The following C10orf90 variants were observed in gnomAD, a reference collection of about 807,000 sequenced individuals.
C10orf90 encodes (E2-independent) E3 ubiquitin-conjugating enzyme FATS.
Under a neutral mutation model 62.5 loss-of-function variants are expected in C10orf90, and 56 were observed. The ratio of observed to expected loss-of-function variants is 0.90; its 90% CI spans 0.72 to 1.12. The LOEUF is 1.12. C10orf90 is among the 50% of genes most tolerant of loss of function. The pLI, the probability that C10orf90 is intolerant of heterozygous loss-of-function variation, is 0.00. For synonymous variants in C10orf90, 386 were observed against 340.4 expected (o/e 1.13, Z -1.47); for missense variants, 970 against 880.4 (o/e 1.10, Z -1.29).
At chr10:126,622,980 C>T (rs1222514699) in intron 2 of C10orf90, among the ~76,000 whole-genome samples, 1 of 152,186 alleles carries the variant, frequency 6.6e-6, no homozygotes, top group Non-Finnish European at 1.5e-5. Flanking sequence ...TTAAGAATAA[C>T]ATCTGATTTC....
Position 126,480,886 on chromosome 10 carries a change from G to A in C10orf90, c.1535-15900C>T, listed in dbSNP as rs12570091. 3.4e-3 allele frequency among the ~76,000 whole-genome samples: 511 copies of A among 152,262 alleles called. 6 individuals carry two copies. The East Asian group carries it at 0.048, about 14-fold the overall frequency. On this transcript the variant is annotated intron_variant, in intron 4 of 9. Transcript: ENST00000488181. ...ATCTTGAGAATGTAGGTCAGGTTAT[G>A]GTAATGCTCAGCTTAGATCTCTCTG...
intron 7 of C10orf90, among the ~76,000 whole-genome samples, chr10:126,451,939 G>C (rs11599127): frequency 0.011 from 1,604 of 152,262 alleles, 30 homozygotes; most frequent in Middle Eastern, 0.037. Context: ...GGAGAATCCA[G>C]GAGATGCTGG....
intron 2 of C10orf90, among the ~76,000 whole-genome samples, chr10:126,601,824 T>A (rs1419101212): frequency 2.0e-5 from 3 of 152,266 alleles, no homozygotes; most frequent in African/African-American, 7.2e-5. Flanking sequence ...GAGGCTTGCC[T>A]GTCATTGCCC....
At chr10:126,574,692 A>G (rs925816264) in intron 2 of C10orf90, among the ~76,000 whole-genome samples, 3 of 152,104 alleles carry the variant, frequency 2.0e-5, no homozygotes, top group African/African-American at 7.2e-5. Context: ...GTATAAAACT[A>G]ATAATATTAA....
chr10:126,559,575 C>A (rs1330546652), intron 2 of C10orf90, among the ~76,000 whole-genome samples: 1 of 152,184 alleles, frequency 6.6e-6, no homozygotes, highest in Non-Finnish European at 1.5e-5. Context: ...CCCACCAACC[C>A]CTGACCCTCC....
intron 4 of C10orf90, among the ~76,000 whole-genome samples, chr10:126,501,152 CT>C: frequency 6.6e-6 from 1 of 152,294 alleles, no homozygotes; most frequent in East Asian, 1.9e-4. Context: ...ATGAGCACTG[CT>C]GCAGTCTGAA....
intron 3 of C10orf90, among the ~76,000 whole-genome samples, chr10:126,507,186 T>A (rs1431676538): frequency 6.6e-6 from 1 of 151,770 alleles, no homozygotes; most frequent in Non-Finnish European, 1.5e-5. Flanking sequence ...TGAAACTCTG[T>A]CTCTACTAAA....
In C10orf90 at chr10:126,497,451, G is replaced by A. The variant is rs143301239; in HGVS notation, c.1534+6506C>T. Among the ~76,000 whole-genome samples, 16 of 152,304 alleles carry A rather than the reference G, an allele frequency of 1.1e-4. No homozygotes were observed. The East Asian group carries it at 2.5e-3, about 24-fold the overall frequency. Reference sequence around the variant, plus strand: ...GCTCTTCCCTTTGACTCTGAGCATCGCTTCTTCACCACGTTCTAAGAATCG... The same window carrying A: ...GCTCTTCCCTTTGACTCTGAGCATCACTTCTTCACCACGTTCTAAGAATCG... On this transcript the variant is annotated intron_variant, in intron 4 of 9. Transcript: ENST00000488181.
intron 2 of C10orf90, among the ~76,000 whole-genome samples, chr10:126,627,417 G>A (rs1591156516): frequency 2.6e-5 from 4 of 152,082 alleles, no homozygotes; most frequent in Admixed American, 2.6e-4. Flanking sequence ...GGGTGTAATG[G>A]AATCGAATTT....
chr10:126,665,565 T>G (rs1292689956), intron 1 of C10orf90, among the ~76,000 whole-genome samples: 3 of 152,156 alleles, frequency 2.0e-5, no homozygotes, highest in Non-Finnish European at 4.4e-5. Flanking sequence ...GGAGACTTCT[T>G]CTTCCAGCCA....
At chr10:126,485,192 T>A (rs1861364775) in intron 4 of C10orf90, among the ~76,000 whole-genome samples, 1 of 152,124 alleles carries the variant, frequency 6.6e-6, no homozygotes, top group African/African-American at 2.4e-5. Flanking sequence ...CTTTCTACAA[T>A]GTGAGGACAC....
In C10orf90 at chr10:126,670,247, T is replaced by C. The variant is rs1312162522; in HGVS notation, c.234A>G (p.Arg78=). 4.4e-6 allele frequency: 2 copies of C among 456,682 alleles called. No homozygotes were observed. Among genetic ancestry groups the C allele is most frequent in the African/African-American group, 2.0e-5 (1 of 50,172 alleles). The allele number at this position is 456,682 out of a possible 1,614,324, so 28.3% of individuals were successfully genotyped here. The part of the protein sequence containing the change: ...GLKTAEQTAS[R]YEIHSRLFSS... ...CACCCAGGCTCAGCCATACCTCATA[T>C]CTGCTGGCTGTCTGCTCAGCCGTCT... Residue 78 remains arginine (R), a synonymous_variant, in exon 1 of 10, where the codon AGA becomes AGG. Coordinates refer to ENST00000488181, the MANE Select transcript of C10orf90 (RefSeq NM_001350921.2).
At chr10:126,648,636 T>C (rs1424848668) in intron 1 of C10orf90, among the ~76,000 whole-genome samples, 1 of 152,250 alleles carries the variant, frequency 6.6e-6, no homozygotes, top group Non-Finnish European at 1.5e-5. Flanking sequence ...TAACATTGTA[T>C]ATGGGGCTGG....
intron 4 of C10orf90, among the ~76,000 whole-genome samples, chr10:126,468,118 T>C (rs563704738): frequency 6.6e-6 from 1 of 151,778 alleles, no homozygotes; most frequent in Non-Finnish European, 1.5e-5. Context: ...TCTGTCACCA[T>C]GTTGGAGTGG....
chr10:126,646,713 A>AT (rs1846180095), intron 1 of C10orf90, 76 bp from the exon 2 acceptor site: 2 of 316,314 alleles, frequency 6.3e-6, no homozygotes, highest in South Asian at 2.6e-5. Flanking sequence ...AATGTACATT[A>AT]TTTTTTTAAT....
chr10:126,569,426 C>G (rs1027728482), intron 2 of C10orf90, among the ~76,000 whole-genome samples: 1 of 152,170 alleles, frequency 6.6e-6, no homozygotes, highest in African/African-American at 2.4e-5. Context: ...CTCACCCCAA[C>G]ACTTTATGCT....
chr10:126,519,306 A>G (rs1417317626), intron 2 of C10orf90, among the ~76,000 whole-genome samples: 1 of 152,250 alleles, frequency 6.6e-6, no homozygotes, highest in East Asian at 1.9e-4. Flanking sequence ...TGAAGCATAG[A>G]ATATGGTTAA....
chr10:126,637,173 TG>T (rs1393324896), intron 2 of C10orf90, among the ~76,000 whole-genome samples: 2 of 152,162 alleles, frequency 1.3e-5, no homozygotes, highest in Non-Finnish European at 2.9e-5. Context: ...GGAGACAGAC[TG>T]ATGGAGTCAG....
chr10:126,642,059 T>G (rs1274141385), intron 2 of C10orf90, among the ~76,000 whole-genome samples: 1 of 152,164 alleles, frequency 6.6e-6, no homozygotes, highest in Non-Finnish European at 1.5e-5. Flanking sequence ...ACCCCACTGA[T>G]GGAGCTGCTG....
Sources: allele counts gnomAD v4.1 joint callset (sites outside exome capture counted in the v4.1 genomes callset), GRCh38; gene constraint gnomAD v4.1.1; transcripts MANE v1.5; gene names NCBI Gene and HGNC (gene_info 2026-07-23, HGNC 2026-07-21).